The following SCAMP4 variants were observed in gnomAD, a reference collection of about 807,000 sequenced individuals.
The protein encoded by SCAMP4 is secretory carrier-associated membrane protein 4.
In SCAMP4, 19 loss-of-function variants were observed where a neutral mutation model predicts 32.1. That is an observed-to-expected ratio of 0.59 (90% CI 0.41 to 0.87). SCAMP4 has a LOEUF of 0.87. Ranked by LOEUF, SCAMP4 falls within the 40% of genes least tolerant of loss-of-function variation. The pLI is 0.00. For missense variants in SCAMP4, 302 were observed against 309.0 expected (o/e 0.98, Z 0.17); for synonymous variants, 152 against 132.7 (o/e 1.15, Z -1.00).
chr19:1,922,615 G>C, intron 5 of SCAMP4: 1 of 985,644 alleles, frequency 1.0e-6, no homozygotes, highest in Non-Finnish European at 1.2e-6. Flanking sequence ...CCGGACATGC[G>C]GATGTAGGTT....
intron 1 of SCAMP4, 125 bp downstream of exon 1, chr19:1,905,564 G>A (rs1287790747): frequency 1.2e-5 from 3 of 249,184 alleles, no homozygotes; most frequent in South Asian, 6.6e-5. Flanking sequence ...AAAACGGGGG[G>A]CCCAGGCCAG....
intron 1 of SCAMP4, chr19:1,911,882 C>A: frequency 1.3e-6 from 1 of 779,156 alleles, no homozygotes; most frequent in Non-Finnish European, 1.8e-6. Context: ...AAACTCTGTG[C>A]ACACCAGGGG....
intron 5 of SCAMP4, 27 bp from the exon 6 acceptor site, chr19:1,923,043 A>C: frequency 1.3e-6 from 2 of 1,517,244 alleles, no homozygotes; most frequent in Non-Finnish European, 1.8e-6. Flanking sequence ...GTGTGCAGGC[A>C]CCCACGCACT....
chr19:1,921,453 GCCCCCGGTGGGC>G (rs2013917491), intron 5 of SCAMP4: 1 of 985,278 alleles, frequency 1.0e-6, no homozygotes, highest in African/African-American at 1.7e-5. Flanking sequence ...TGCAGCAGGG[GCCCCCGGTGGGC>G]CCCGCCAGGA....
In SCAMP4 at chr19:1,924,820, G is replaced by A. The variant is rs150470049; in HGVS notation, c.*536G>A. ...GGGCTTGGTGCCTAGCTGAGTCCTC[G>A]CTGTCCCCGCCATCCCCTGATCTGT... On this transcript the variant is annotated 3_prime_UTR_variant, in exon 7 of 7. Coordinates refer to ENST00000316097, the MANE Select transcript of SCAMP4 (RefSeq NM_079834.4). The A allele has an allele frequency of 1.2e-4, 21 of 173,018 alleles. No individual in the cohort carries two copies. The highest frequency in any genetic ancestry group is 2.7e-4 in the South Asian group (2 of 7,430). 10.7% of individuals were successfully genotyped at this position (173,018 alleles called of 1,614,324 possible). A position where few individuals can be genotyped will look rare whatever the true frequency, so the allele number is the denominator to read the frequency against.
chr19:1,911,675 C>G (rs1186500042), intron 1 of SCAMP4, among the ~76,000 whole-genome samples: 2 of 152,150 alleles, frequency 1.3e-5, no homozygotes, highest in Non-Finnish European at 2.9e-5. Flanking sequence ...CCCAGTTACT[C>G]TGGAGGCTGA....
chr19:1,909,460 C>A (rs1209188305), intron 1 of SCAMP4, among the ~76,000 whole-genome samples: 1 of 152,176 alleles, frequency 6.6e-6, no homozygotes. Context: ...CCTGTGCCAG[C>A]AGCAGGGATG....
chr19:1,918,901 C>T lies in SCAMP4; in HGVS notation c.306C>T (p.Ser102=). 1 of 1,609,634 alleles carries T rather than the reference C, an allele frequency of 6.2e-7. No individual in the cohort carries two copies. Among genetic ancestry groups the T allele is most frequent in the African/African-American group, 1.3e-5 (1 of 74,992 alleles). Residue 102 remains serine (S), a synonymous_variant, in exon 5 of 7, where the codon TCC becomes TCT. Transcript: ENST00000316097. ...TGTCCCTCCCCAGAGCCGACAGCTCCTTTAATTTCATGGCGTTTTTCTTCA... is the reference window on the plus strand; with the variant it reads ...TGTCCCTCCCCAGAGCCGACAGCTCTTTTAATTTCATGGCGTTTTTCTTCA... ...PVYKAFRADS[S]FNFMAFFFIF... is the part of the protein sequence containing the mutation.
chr19:1,910,036 G>A (rs1485553511), intron 1 of SCAMP4, among the ~76,000 whole-genome samples: 1 of 152,206 alleles, frequency 6.6e-6, no homozygotes, highest in Non-Finnish European at 1.5e-5. Flanking sequence ...GGGGCCCCGT[G>A]TCCCCCACAC....
At chr19:1,920,889 C>T in intron 5 of SCAMP4, 2 of 985,502 alleles carry the variant, frequency 2.0e-6, no homozygotes, top group Non-Finnish European at 2.4e-6. Flanking sequence ...ACCTCCCTGC[C>T]CCCTCGGCCC....
Position 1,914,968 on chromosome 19 carries a change from C to A in SCAMP4, c.-41-11C>A, listed in dbSNP as rs1483956718. The stretch of plus-strand genomic sequence containing the variant: ...CTCAGGGTTCCCTGACTGTGGTTGT[C>A]TTCCTTCCAGGCGGCTGCAGGCTTC... On this transcript the variant is annotated splice_polypyrimidine_tract_variant and intron_variant, in intron 1 of 6. Transcript: ENST00000316097. 6.2e-7 allele frequency: 1 copy of A among 1,613,162 alleles called. No individual in the cohort carries two copies. The highest frequency in any genetic ancestry group is 2.2e-5 in the East Asian group (1 of 44,874).
At chr19:1,912,741 T>C in intron 1 of SCAMP4, 1 of 1,541,646 alleles carries the variant, frequency 6.5e-7, no homozygotes. Context: ...CGACTGCAGC[T>C]GCGCGGACAA....
intron 1 of SCAMP4, chr19:1,912,059 C>T: frequency 7.0e-7 from 1 of 1,432,652 alleles, no homozygotes; most frequent in Non-Finnish European, 9.1e-7. Flanking sequence ...TGATCCTCTG[C>T]TCCCGTCTCT....
chr19:1,920,692 C>T, intron 5 of SCAMP4: 1 of 985,510 alleles, frequency 1.0e-6, no homozygotes, highest in Non-Finnish European at 1.2e-6. Context: ...TCCTCCGAGT[C>T]CTCCTGAGCT....
At chr19:1,917,911 G>A in intron 3 of SCAMP4, 89 bp downstream of exon 3, 1 of 1,550,796 alleles carries the variant, frequency 6.4e-7, no homozygotes, top group South Asian at 1.2e-5. Context: ...AGCCCGTCGG[G>A]GGCCCACCGT....
At chr19:1,916,586 G>C (rs971337287) in intron 2 of SCAMP4, among the ~76,000 whole-genome samples, 1 of 151,872 alleles carries the variant, frequency 6.6e-6, no homozygotes, top group African/African-American at 2.4e-5. Context: ...AGCCTCCCGA[G>C]AAGCTGGGAC....
At chr19:1,913,364 C>G in intron 1 of SCAMP4, 1 of 701,464 alleles carries the variant, frequency 1.4e-6, no homozygotes, top group Non-Finnish European at 2.3e-6. Flanking sequence ...TGCCCTTCTG[C>G]GGCCGCCCTT....
intron 1 of SCAMP4, 121 bp downstream of exon 1, chr19:1,905,560 G>C (rs754065): frequency 0.17 from 48,040 of 290,482 alleles, 4,656 homozygotes; most frequent in East Asian, 0.25. Context: ...GGAGAAAACG[G>C]GGGGCCCAGG....
chr19:1,925,942 C>T lies in SCAMP4; in HGVS notation c.*1658C>T, dbSNP rs537238852. On this transcript the variant is annotated 3_prime_UTR_variant, in exon 7 of 7. Transcript: ENST00000316097. Reference sequence around the variant, plus strand: ...CCCACCCCTCCCCCGCCGTGTGTGGCCCCTCGCCGCATCGTTGGGGTTTTG... The same window carrying T: ...CCCACCCCTCCCCCGCCGTGTGTGGTCCCTCGCCGCATCGTTGGGGTTTTG... 1.8e-5 allele frequency: 2 copies of T among 109,670 alleles called. No individual in the cohort carries two copies. The highest frequency in any genetic ancestry group is 6.6e-4 in the South Asian group (2 of 3,044). 6.8% of individuals were successfully genotyped at this position (109,670 alleles called of 1,614,324 possible).
Sources: gnomAD v4.1 joint callset for allele counts (sites outside exome capture counted in the v4.1 genomes callset) on GRCh38, gnomAD v4.1.1 for gene constraint, MANE v1.5 for transcripts, NCBI Gene and HGNC (gene_info 2026-07-23, HGNC 2026-07-21) for gene names.